Variants in NRXN1 observed in about 807,000 individuals in gnomAD.
NRXN1 encodes the protein neurexin-1.
NRXN1 carries 39 observed loss-of-function variants against 150.9 expected under a neutral mutation model. The ratio of observed to expected loss-of-function variants is 0.26; its 90% confidence interval spans 0.20 to 0.34. The LOEUF (loss-of-function observed/expected upper bound fraction) is 0.34, where lower values mean the gene tolerates loss of function less well. Among genes scored for constraint, NRXN1 ranks in the 10% least tolerant of loss-of-function variants. The pLI, the probability that NRXN1 is intolerant of heterozygous loss-of-function variation, is 1.00. For missense variants in NRXN1, 1,815 were observed against 1,949.9 expected (o/e 0.93, Z 1.30); for synonymous variants, 924 against 757.0 (o/e 1.22, Z -3.62).
chr2:50,865,819 G>T (rs1296884084), intron 5 of NRXN1, among the ~76,000 whole-genome samples: 1 of 150,884 alleles, frequency 6.6e-6, no homozygotes, highest in Non-Finnish European at 1.5e-5. Context: ...TATGTGCCAG[G>T]TGCTAGTCAT....
chr2:50,854,844 T>C (rs1675033450), intron 5 of NRXN1, among the ~76,000 whole-genome samples: 1 of 152,050 alleles, frequency 6.6e-6, no homozygotes, highest in South Asian at 2.1e-4. Flanking sequence ...ATGTGGTTTC[T>C]CAACTACTAT....
At chr2:50,857,368 T>C (rs1392361413) in intron 5 of NRXN1, among the ~76,000 whole-genome samples, 1 of 152,026 alleles carries the variant, frequency 6.6e-6, no homozygotes, top group Non-Finnish European at 1.5e-5. Flanking sequence ...AGAACTTTGG[T>C]GAGTAGATGT....
chr2:50,615,084 G>A (rs1326045173), intron 8 of NRXN1, among the ~76,000 whole-genome samples: 2 of 152,294 alleles, frequency 1.3e-5, no homozygotes, highest in Middle Eastern at 3.4e-3. Context: ...ATCTACCTCA[G>A]TAGCATCTTC....
At chr2:50,897,389 T>G (rs538617262) in intron 5 of NRXN1, among the ~76,000 whole-genome samples, 2 of 152,146 alleles carry the variant, frequency 1.3e-5, no homozygotes, top group South Asian at 2.1e-4. Flanking sequence ...ATTCTAAAAC[T>G]TATCTCCAAC....
chr2:49,933,280 G>A (rs1195399493), intron 22 of NRXN1, among the ~76,000 whole-genome samples: 1 of 151,908 alleles, frequency 6.6e-6, no homozygotes, highest in Non-Finnish European at 1.5e-5. Flanking sequence ...TAGAGAAGGG[G>A]TTTCACCGTG....
At chr2:50,237,662 A>G (rs1438598910) in intron 17 of NRXN1, among the ~76,000 whole-genome samples, 1 of 151,944 alleles carries the variant, frequency 6.6e-6, no homozygotes. Context: ...AGCACTGAGA[A>G]TAATGTCACG....
chr2:50,981,839 G>A (rs992589743), intron 2 of NRXN1, among the ~76,000 whole-genome samples: 19 of 115,704 alleles, frequency 1.6e-4, no homozygotes, highest in South Asian at 2.9e-4. Context: ...GTGTGTGTGT[G>A]TGTATGTGTG....
intron 5 of NRXN1, among the ~76,000 whole-genome samples, chr2:50,680,532 TA>T (rs542009459): frequency 7.9e-5 from 12 of 152,016 alleles, no homozygotes; most frequent in East Asian, 5.8e-4. Context: ...AACATATGAA[TA>T]AAAAAAATGT....
intron 5 of NRXN1, among the ~76,000 whole-genome samples, chr2:50,624,311 G>A (rs1161858803): frequency 1.9e-4 from 29 of 152,076 alleles, no homozygotes; most frequent in Admixed American, 1.9e-3. Context: ...CACTGCAAGA[G>A]CTCTGATCAG....
chr2:50,527,061 C>T (rs1210994560), intron 12 of NRXN1, among the ~76,000 whole-genome samples: 2 of 152,160 alleles, frequency 1.3e-5, no homozygotes, highest in Non-Finnish European at 2.9e-5. Flanking sequence ...AATTGCTATA[C>T]TTTGCATAGT....
chr2:50,982,777 T>C (rs959382363), intron 2 of NRXN1, among the ~76,000 whole-genome samples: 4 of 152,098 alleles, frequency 2.6e-5, no homozygotes, highest in Admixed American at 1.3e-4. Flanking sequence ...ATCATTTTAA[T>C]GTGCACCTAA....
chr2:50,112,831 T>C (rs1020817867), intron 18 of NRXN1, among the ~76,000 whole-genome samples: 4 of 152,032 alleles, frequency 2.6e-5, no homozygotes, highest in Non-Finnish European at 4.4e-5. Flanking sequence ...TCAAATTAAG[T>C]ACTCAATAAA....
intron 5 of NRXN1, chr2:50,912,974 T>A (rs1684738150): frequency 6.6e-6 from 1 of 151,784 alleles, no homozygotes; most frequent in African/African-American, 2.4e-5. Context: ...TCTTTAAGAC[T>A]CTTAACTTCA....
chr2:50,224,310 T>C (rs2152861997), intron 18 of NRXN1, among the ~76,000 whole-genome samples: 1 of 152,088 alleles, frequency 6.6e-6, no homozygotes, highest in East Asian at 1.9e-4. Context: ...TTGGTCAATT[T>C]ATTTATAATG....
At chr2:50,083,064 T>C (rs1417871226) in intron 19 of NRXN1, among the ~76,000 whole-genome samples, 7 of 152,210 alleles carry the variant, frequency 4.6e-5, no homozygotes, top group Non-Finnish European at 1.5e-5. Flanking sequence ...TGGACAATTA[T>C]CAAATTGGCC....
chr2:50,736,429 G>T (rs2105238367), intron 5 of NRXN1, among the ~76,000 whole-genome samples: 1 of 151,994 alleles, frequency 6.6e-6, no homozygotes, highest in Middle Eastern at 3.4e-3. Flanking sequence ...CCTAGTGAGT[G>T]TCTTTACGCT....
At chr2:49,998,581 T>C (rs182893981) in intron 21 of NRXN1, among the ~76,000 whole-genome samples, 2 of 152,144 alleles carry the variant, frequency 1.3e-5, no homozygotes, top group Non-Finnish European at 2.9e-5. Context: ...AAATGTAAAA[T>C]GAACCAATTT....
At chr2:50,375,098 T>C (rs1291444441) in intron 17 of NRXN1, among the ~76,000 whole-genome samples, 1 of 152,156 alleles carries the variant, frequency 6.6e-6, no homozygotes, top group East Asian at 1.9e-4. Flanking sequence ...TATAGATATA[T>C]TTTCTATATA....
At chr2:50,850,509 G>A (rs1674365589) in intron 5 of NRXN1, among the ~76,000 whole-genome samples, 1 of 152,082 alleles carries the variant, frequency 6.6e-6, no homozygotes, top group South Asian at 2.1e-4. Flanking sequence ...TAGGCTCAGA[G>A]TCCTTCTCAA....
Sources: allele counts gnomAD v4.1 joint callset (sites outside exome capture counted in the v4.1 genomes callset), GRCh38; gene constraint gnomAD v4.1.1; transcripts MANE v1.5; gene names NCBI Gene and HGNC (gene_info 2026-07-23, HGNC 2026-07-21).